PDE1C: variants seen among roughly 807,000 people sequenced by gnomAD.
The protein encoded by PDE1C is phosphodiesterase 1C, also known as dual specificity calcium/calmodulin-dependent 3',5'-cyclic nucleotide phosphodiesterase 1C.
Under a neutral mutation model 93.1 loss-of-function variants are expected in PDE1C, and 62 were observed. The observed-to-expected ratio is 0.67, with a 90% CI of 0.54 to 0.82. PDE1C has a LOEUF of 0.82. PDE1C is among the 40% of genes least tolerant of loss of function. The pLI is 0.00. For missense variants in PDE1C, 742 were observed against 884.6 expected (o/e 0.84, Z 2.04); for synonymous variants, 325 against 310.1 (o/e 1.05, Z -0.50).
At chr7:32,071,496 A>AC (rs542589070), upstream of PDE1C, 17,015 of 737,002 alleles carry the variant, frequency 0.023, 248 homozygotes, top group Middle Eastern at 0.026. Flanking sequence ...CCTCCCTTTC[A>AC]CCCCCCCACC....
intron 7 of PDE1C, among the ~76,000 whole-genome samples, chr7:31,857,073 C>T (rs1203369242): frequency 6.6e-6 from 1 of 152,088 alleles, no homozygotes; most frequent in Non-Finnish European, 1.5e-5. Flanking sequence ...TTTATTTTAC[C>T]TTAATACCTC....
At chr7:31,926,256 A>G (rs1168618857) in intron 2 of PDE1C, among the ~76,000 whole-genome samples, 1 of 152,170 alleles carries the variant, frequency 6.6e-6, no homozygotes, top group African/African-American at 2.4e-5. Context: ...CTGTGAAATA[A>G]AATGTTTTCC....
intron 1 of PDE1C, among the ~76,000 whole-genome samples, chr7:32,309,045 A>G (rs1171150300): frequency 6.6e-6 from 1 of 152,106 alleles, no homozygotes. Flanking sequence ...AATGCAGAGA[A>G]GTCCTTAAAG....
chr7:31,841,227 C>CTCTCTCTATA (rs751320538), intron 9 of PDE1C, among the ~76,000 whole-genome samples: 16,575 of 142,010 alleles, frequency 0.12, 1,037 homozygotes, highest in East Asian at 0.18. Context: ...CTCTCTCTCT[C>CTCTCTCTATA]TATATATATA....
At chr7:31,640,222 T>C in the PDE1C span, among the ~76,000 whole-genome samples, 3 of 152,042 alleles carry the variant, frequency 2.0e-5, no homozygotes, top group African/African-American at 7.2e-5. Flanking sequence ...AAATAGGAGG[T>C]TTTGCATCTG....
intron 7 of PDE1C, among the ~76,000 whole-genome samples, chr7:31,853,878 A>ATTTTTT (rs60293827): frequency 4.8e-5 from 6 of 124,522 alleles, no homozygotes; most frequent in African/African-American, 1.5e-4. Flanking sequence ...ATGCCCAGCT[A>ATTTTTT]TTTTTTTTTT....
At chr7:31,817,127 G>T (rs1191452764) in intron 14 of PDE1C, among the ~76,000 whole-genome samples, 3 of 152,060 alleles carry the variant, frequency 2.0e-5, no homozygotes, top group Admixed American at 1.3e-4. Flanking sequence ...TATAAAAAGC[G>T]CTTTGCAGAA....
At chr7:31,722,903 C>T in the PDE1C span, among the ~76,000 whole-genome samples, 35 of 152,270 alleles carry the variant, frequency 2.3e-4, no homozygotes, top group Admixed American at 1.3e-3. Context: ...GAGAATCTGA[C>T]AGTTTTTCTC....
At chr7:32,320,746 A>C (rs1440456757) in intron 1 of PDE1C, among the ~76,000 whole-genome samples, 2 of 152,230 alleles carry the variant, frequency 1.3e-5, no homozygotes, top group East Asian at 3.8e-4. Context: ...ATTCATATAA[A>C]CACATTGAGC....
chr7:31,879,025 G>A lies in PDE1C; in HGVS notation c.396C>T (p.His132=), dbSNP rs187122903. ...DEKPRFKSIV[H]AVQAGIFVER... ...CCACAAATATCCCAGCCTGCACTGC[G>A]TGAACGATGCTCTTGAACCGGGGCT... Residue 132 remains histidine, a synonymous_variant, in exon 4 of 18, where the codon CAC becomes CAT. Coordinates refer to ENST00000396191, the MANE Select transcript of PDE1C (RefSeq NM_001191057.4). The A allele has an allele frequency of 1.5e-4, 250 of 1,614,082 alleles. No homozygotes were observed. In the East Asian group the frequency reaches 2.3e-3, roughly 15 times the overall value.
intron 3 of PDE1C, among the ~76,000 whole-genome samples, chr7:32,142,596 G>GAT (rs1399382021): frequency 3.9e-5 from 6 of 152,158 alleles, no homozygotes; most frequent in African/African-American, 1.4e-4. Flanking sequence ...TGCAGGTGGA[G>GAT]ATAACATGCA....
intron 17 of PDE1C, among the ~76,000 whole-genome samples, chr7:31,755,641 T>C (rs146247148): frequency 2.7e-4 from 41 of 152,100 alleles, no homozygotes; most frequent in Non-Finnish European, 4.9e-4. Context: ...GAATGAAAGA[T>C]CTACTGAATG....
At chr7:32,422,067 T>C (rs918154246) in intron 1 of PDE1C, among the ~76,000 whole-genome samples, 2 of 152,154 alleles carry the variant, frequency 1.3e-5, no homozygotes, top group African/African-American at 4.8e-5. Context: ...GGAAGTGTGT[T>C]GGGGAAAGCA....
At chr7:31,644,988 T>A in the PDE1C span, among the ~76,000 whole-genome samples, 2 of 152,232 alleles carry the variant, frequency 1.3e-5, no homozygotes, top group Non-Finnish European at 2.9e-5. Context: ...CATTTAACCT[T>A]CATTTTAATC....
chr7:32,247,539 C>T (rs946233983), intron 1 of PDE1C, among the ~76,000 whole-genome samples: 1 of 152,198 alleles, frequency 6.6e-6, no homozygotes, highest in Admixed American at 6.5e-5. Flanking sequence ...TAGAGACAGT[C>T]CCCAACTTAT....
intron 1 of PDE1C, among the ~76,000 whole-genome samples, chr7:32,282,431 G>A (rs1321702314): frequency 1.6e-5 from 2 of 123,808 alleles, no homozygotes; most frequent in Middle Eastern, 4.1e-3. Flanking sequence ...AGCCGAGATC[G>A]TGCCATTGCA....
chr7:31,826,067 C>T (rs1027536168), intron 12 of PDE1C, among the ~76,000 whole-genome samples: 4 of 152,212 alleles, frequency 2.6e-5, no homozygotes, highest in African/African-American at 7.2e-5. Flanking sequence ...AAATGTTCTG[C>T]GACAATCAGG....
chr7:31,618,403 T>C, the PDE1C span, among the ~76,000 whole-genome samples: 1 of 152,342 alleles, frequency 6.6e-6, no homozygotes, highest in African/African-American at 2.4e-5. Context: ...AATTAGGCTA[T>C]TGAAGAAGAG....
At chr7:32,246,080 C>T (rs750614150) in intron 1 of PDE1C, among the ~76,000 whole-genome samples, 3 of 150,768 alleles carry the variant, frequency 2.0e-5, no homozygotes, top group Admixed American at 1.3e-4. Flanking sequence ...GCAGTCCTCA[C>T]GCCCCAGCCT....
Sources: allele counts gnomAD v4.1 joint callset (sites outside exome capture counted in the v4.1 genomes callset), GRCh38; gene constraint gnomAD v4.1.1; transcripts MANE v1.5; gene names NCBI Gene and HGNC (gene_info 2026-07-23, HGNC 2026-07-21).